The following LMCD1 variants were observed in gnomAD, a reference collection of about 807,000 sequenced individuals.
LMCD1 encodes the protein LIM and cysteine rich domains 1.
In LMCD1, 32 loss-of-function variants were observed where a neutral mutation model predicts 42.7. The ratio of observed to expected loss-of-function variants is 0.75; its 90% CI spans 0.57 to 1.01. The LOEUF is 1.01. Among genes scored for constraint, LMCD1 ranks in the 50% least tolerant of loss-of-function variants. The pLI is 0.00. For synonymous variants in LMCD1, 178 were observed against 184.9 expected, an observed-to-expected ratio of 0.96 and a Z score of 0.30; for missense variants, 458 against 483.1, an observed-to-expected ratio of 0.95 and a Z score of 0.49.
intron 3 of LMCD1, among the ~76,000 whole-genome samples, chr3:8,546,944 ACTTTT>A (rs1193910931): frequency 6.6e-6 from 1 of 152,220 alleles, no homozygotes; most frequent in Non-Finnish European, 1.5e-5. Context: ...AAAAGCAGCA[ACTTTT>A]CTTTGGTGAT....
rs1693748843 is a variant in LMCD1 at position 8,502,313 on chromosome 3, AATATATAT to A, written c.42+334_42+341del. Among the ~76,000 whole-genome samples, 163 of 23,914 alleles carry A rather than the reference AATATATAT, an allele frequency of 6.8e-3. 11 individuals are homozygous for A. The highest frequency in any genetic ancestry group is 0.011 in the Non-Finnish European group (143 of 13,088). The allele number at this position is 23,914 out of a possible 152,430, so 15.7% of individuals were successfully genotyped here. A position where few individuals can be genotyped will look rare whatever the true frequency, so the allele number is the denominator to read the frequency against. The stretch of plus-strand genomic sequence containing the variant: ...AATATATATTATATATAATATATAA[AATATATAT>A]TATATATAATATATATTATATATAA... On this transcript the variant is annotated intron_variant, in intron 1 of 5. Coordinates refer to ENST00000157600, the MANE Select transcript of LMCD1 (RefSeq NM_014583.4).
chr3:8,533,144 T>G (rs1165986668), intron 2 of LMCD1, among the ~76,000 whole-genome samples: 2 of 152,052 alleles, frequency 1.3e-5, no homozygotes, highest in Non-Finnish European at 2.9e-5. Context: ...CCTTGTGCCT[T>G]TGGGGTATGC....
At chr3:8,545,930 C>T (rs147734455) in intron 3 of LMCD1, among the ~76,000 whole-genome samples, 237 of 152,302 alleles carry the variant, frequency 1.6e-3, no homozygotes, top group East Asian at 6.2e-3. Flanking sequence ...AAGTTCAAGA[C>T]CAACCTGCCA....
At chr3:8,524,077 CT>C (rs1470042537) in intron 1 of LMCD1, among the ~76,000 whole-genome samples, 1 of 151,494 alleles carries the variant, frequency 6.6e-6, no homozygotes, top group Non-Finnish European at 1.5e-5. Flanking sequence ...CCCAGTCTTC[CT>C]TTTTTTTAAA....
intron 1 of LMCD1, among the ~76,000 whole-genome samples, chr3:8,502,569 TACACACACACAC>T (rs5846600): frequency 5.4e-4 from 72 of 134,432 alleles, no homozygotes; most frequent in Middle Eastern, 7.2e-3. Flanking sequence ...TTTCCCCCAA[TACACACACACAC>T]ACACACACAC....
At chr3:8,529,009 A>G (rs1694354467) in intron 1 of LMCD1, among the ~76,000 whole-genome samples, 1 of 152,222 alleles carries the variant, frequency 6.6e-6, no homozygotes, top group African/African-American at 2.4e-5. Flanking sequence ...TAGATGCTGC[A>G]TTCCAAGAAA....
intron 1 of LMCD1, among the ~76,000 whole-genome samples, chr3:8,516,202 T>C (rs1694095226): frequency 6.6e-6 from 1 of 152,070 alleles, no homozygotes; most frequent in Admixed American, 6.5e-5. Flanking sequence ...GAACAAACTC[T>C]AGTGATTTCC....
At chr3:8,511,999 A>G (rs1222306872) in intron 1 of LMCD1, among the ~76,000 whole-genome samples, 2 of 152,240 alleles carry the variant, frequency 1.3e-5, no homozygotes, top group Non-Finnish European at 2.9e-5. Flanking sequence ...TGCAATATAT[A>G]TGGAAAGAAA....
At chr3:8,561,860 G>A (rs368692641) in intron 4 of LMCD1, among the ~76,000 whole-genome samples, 32 of 131,940 alleles carry the variant, frequency 2.4e-4, no homozygotes, top group East Asian at 2.4e-3. Flanking sequence ...AGCCATTGTC[G>A]TTTCCATCAT....
In LMCD1 at chr3:8,566,652, A is replaced by G. The variant is rs76915871; in HGVS notation, c.940-788A>G. 7.0e-3 allele frequency among the ~76,000 whole-genome samples: 1,067 copies of G among 152,348 alleles called. 10 individuals are homozygous for G. Among genetic ancestry groups the G allele is most frequent in the African/African-American group, 0.025 (1,029 of 41,564 alleles). On this transcript the variant is annotated intron_variant, in intron 5 of 5. Transcript: ENST00000157600. ...ACTTTACGTACAACATGCTATTTAT[A>G]TCACAACAATCCTTTAGGGAGAGAT...
intron 3 of LMCD1, among the ~76,000 whole-genome samples, chr3:8,541,555 A>C (rs2125027705): frequency 6.6e-6 from 1 of 152,338 alleles, no homozygotes; most frequent in Middle Eastern, 3.4e-3. Flanking sequence ...ATCTCAGAAA[A>C]AAGAAAAATC....
At chr3:8,549,950 C>G in intron 4 of LMCD1, 1 of 1,049,304 alleles carries the variant, frequency 9.5e-7, no homozygotes, top group Non-Finnish European at 1.4e-6. Context: ...AGGACCTGAG[C>G]CCTCACGACC....
intron 2 of LMCD1, among the ~76,000 whole-genome samples, chr3:8,535,421 A>G (rs1694492131): frequency 6.6e-6 from 1 of 152,150 alleles, no homozygotes; most frequent in Non-Finnish European, 1.5e-5. Flanking sequence ...GAGATTGTCA[A>G]TTTTAACATC....
chr3:8,567,368 C>T (rs916510070), intron 5 of LMCD1, 72 bp from the exon 6 acceptor site: 10 of 1,502,922 alleles, frequency 6.7e-6, no homozygotes, highest in African/African-American at 5.5e-5. Flanking sequence ...CACCCTATAA[C>T]TTGTCCTAGA....
intron 1 of LMCD1, among the ~76,000 whole-genome samples, chr3:8,511,990 G>C (rs1694010776): frequency 6.6e-6 from 1 of 152,090 alleles, no homozygotes; most frequent in Admixed American, 6.5e-5. Context: ...CCAAAAATAT[G>C]CAATATATAT....
intron 1 of LMCD1, among the ~76,000 whole-genome samples, chr3:8,506,335 A>T (rs1693880741): frequency 6.6e-6 from 1 of 152,148 alleles, no homozygotes; most frequent in African/African-American, 2.4e-5. Context: ...CCCTCTGAGG[A>T]TGCTTGGTTT....
chr3:8,524,964 C>T (rs1457396469), intron 1 of LMCD1, among the ~76,000 whole-genome samples: 6 of 152,158 alleles, frequency 3.9e-5, no homozygotes, highest in Non-Finnish European at 7.4e-5. Flanking sequence ...AGATTATAGA[C>T]GTGGGCCACC....
chr3:8,559,452 A>G lies in LMCD1; in HGVS notation c.724-5980A>G, dbSNP rs115963959. On this transcript the variant is annotated intron_variant, in intron 4 of 5. Coordinates refer to ENST00000157600, the MANE Select transcript of LMCD1 (RefSeq NM_014583.4). Reference sequence around the variant, plus strand: ...ATCCTATGAGGTTGCTATCATTACTATCGCCATTCAACAGGTGAAAAAACA... The same window carrying G: ...ATCCTATGAGGTTGCTATCATTACTGTCGCCATTCAACAGGTGAAAAAACA... 4.4e-3 allele frequency among the ~76,000 whole-genome samples: 669 copies of G among 152,354 alleles called. 4 individuals carry two copies. Among genetic ancestry groups the G allele is most frequent in the Non-Finnish European group, 6.6e-3 (450 of 68,042 alleles).
chr3:8,537,929 A>G (rs1015411533), intron 3 of LMCD1, among the ~76,000 whole-genome samples: 1 of 152,174 alleles, frequency 6.6e-6, no homozygotes, highest in Admixed American at 6.5e-5. Flanking sequence ...ATAACCTTGA[A>G]CAAAAGCAAC....
Sources: allele counts gnomAD v4.1 joint callset (sites outside exome capture counted in the v4.1 genomes callset), GRCh38; gene constraint gnomAD v4.1.1; transcripts MANE v1.5; gene names NCBI Gene and HGNC (gene_info 2026-07-23, HGNC 2026-07-21).